The following GABRG3 variants were observed in gnomAD, a reference collection of about 807,000 sequenced individuals.
GABRG3 encodes the protein gamma-aminobutyric acid receptor subunit gamma-3.
A neutral mutation model predicts 48.8 loss-of-function variants in GABRG3; 25 were observed. The ratio of observed to expected loss-of-function variants is 0.51; its 90% CI spans 0.37 to 0.72. GABRG3 has a LOEUF of 0.72. Ranked by LOEUF, GABRG3 falls within the 30% of genes least tolerant of loss-of-function variation. The pLI, the probability that GABRG3 is intolerant of heterozygous loss-of-function variation, is 0.00. For synonymous variants in GABRG3, 227 were observed against 217.6 expected, an observed-to-expected ratio of 1.04 and a Z score of -0.38; for missense variants, 394 against 577.9, an observed-to-expected ratio of 0.68 and a Z score of 3.26.
At chr15:27,464,364 G>C (rs1889540007) in intron 5 of GABRG3, among the ~76,000 whole-genome samples, 1 of 152,114 alleles carries the variant, frequency 6.6e-6, no homozygotes, top group African/African-American at 2.4e-5. Context: ...TATACATTAT[G>C]TGGTTTACTT....
Position 27,540,801 on chromosome 15 carries a change from G to A in GABRG3, c.*7920G>A, listed in dbSNP as rs1566887933. The stretch of plus-strand genomic sequence containing the variant: ...CAGACCTATGTGTTGTTAGGAGCAA[G>A]AGGCCATCTTGTGTTTACATGCAGT... On this transcript the variant is annotated 3_prime_UTR_variant, in exon 10 of 10. Coordinates refer to ENST00000615808, the MANE Select transcript of GABRG3 (RefSeq NM_033223.5). 2 of 152,212 alleles carry A rather than the reference G, an allele frequency of 1.3e-5. No homozygotes were observed. Among genetic ancestry groups the A allele is most frequent in the Non-Finnish European group, 2.9e-5 (2 of 68,042 alleles). The allele number at this position is 152,212 out of a possible 1,614,324, so 9.4% of individuals were successfully genotyped here.
intron 5 of GABRG3, among the ~76,000 whole-genome samples, chr15:27,426,037 G>A (rs1888281348): frequency 6.6e-6 from 1 of 152,148 alleles, no homozygotes; most frequent in Non-Finnish European, 1.5e-5. Flanking sequence ...GTCTGAGTTT[G>A]CACCAATTTG....
At chr15:27,199,249 T>C (rs1426646583) in intron 3 of GABRG3, among the ~76,000 whole-genome samples, 2 of 152,234 alleles carry the variant, frequency 1.3e-5, no homozygotes, top group African/African-American at 4.8e-5. Context: ...ATAGCCATTA[T>C]ATGAGTCTGG....
chr15:27,127,008 A>C (rs944177717), intron 3 of GABRG3, among the ~76,000 whole-genome samples: 1 of 152,168 alleles, frequency 6.6e-6, no homozygotes, highest in Admixed American at 6.6e-5. Context: ...TAGATTTTTA[A>C]TAGTATACAT....
chr15:27,254,974 C>T (rs1890567282), intron 3 of GABRG3, among the ~76,000 whole-genome samples: 1 of 152,152 alleles, frequency 6.6e-6, no homozygotes, highest in Non-Finnish European at 1.5e-5. Context: ...ACAGCCGGCC[C>T]TGATACCCCC....
chr15:27,206,186 A>G (rs1888846263), intron 3 of GABRG3, among the ~76,000 whole-genome samples: 2 of 152,122 alleles, frequency 1.3e-5, no homozygotes, highest in Admixed American at 6.6e-5. Context: ...TGATGTGCAC[A>G]TTTAGCACTA....
intron 5 of GABRG3, among the ~76,000 whole-genome samples, chr15:27,456,858 G>A (rs115330532): frequency 0.015 from 2,220 of 152,266 alleles, 40 homozygotes; most frequent in South Asian, 0.086. Context: ...CCTCAGAGGG[G>A]TTGCCACCTG....
intron 2 of GABRG3, among the ~76,000 whole-genome samples, chr15:27,005,409 A>G (rs1341876280): frequency 6.6e-6 from 1 of 152,142 alleles, no homozygotes; most frequent in African/African-American, 2.4e-5. Flanking sequence ...CTTTGAGTGC[A>G]GCATTTCATT....
At chr15:27,418,179 A>G (rs545515269) in intron 5 of GABRG3, among the ~76,000 whole-genome samples, 3 of 152,336 alleles carry the variant, frequency 2.0e-5, no homozygotes, top group African/African-American at 4.8e-5. Flanking sequence ...ATGACCGGCC[A>G]GGGGACCCTG....
chr15:27,070,631 T>A (rs1271469964), intron 3 of GABRG3, among the ~76,000 whole-genome samples: 1 of 152,230 alleles, frequency 6.6e-6, no homozygotes, highest in South Asian at 2.1e-4. Context: ...TGATGAAATG[T>A]TAAGGTTTAT....
At chr15:26,983,226 A>ATCCCTT (rs1208731176) in intron 2 of GABRG3, among the ~76,000 whole-genome samples, 2 of 151,558 alleles carry the variant, frequency 1.3e-5, no homozygotes, top group Admixed American at 6.6e-5. Flanking sequence ...ATCAAGGTGC[A>ATCCCTT]GTGAACTTAT....
chr15:27,081,456 A>G (rs1208942260), intron 3 of GABRG3, among the ~76,000 whole-genome samples: 4 of 152,046 alleles, frequency 2.6e-5, no homozygotes, highest in Admixed American at 2.6e-4. Context: ...ATTATTGAAT[A>G]TTATTAAATA....
chr15:27,513,989 A>G (rs1161406475), intron 6 of GABRG3, among the ~76,000 whole-genome samples: 2 of 152,234 alleles, frequency 1.3e-5, no homozygotes. Context: ...CATGATGACA[A>G]AAACTTTTTC....
At chr15:27,532,509 A>G in intron 9 of GABRG3, 91 bp from the exon 10 acceptor site, 1 of 1,231,910 alleles carries the variant, frequency 8.1e-7, no homozygotes, top group East Asian at 2.5e-5. Flanking sequence ...TCTATAGGAG[A>G]CAGATGTAAT....
chr15:26,988,931 C>A (rs1211710741), intron 2 of GABRG3, among the ~76,000 whole-genome samples: 1 of 151,858 alleles, frequency 6.6e-6, no homozygotes, highest in Non-Finnish European at 1.5e-5. Context: ...ATTCATATAC[C>A]ATAAAATTCA....
At position 27,199,350 on chromosome 15, in the gene GABRG3, A is replaced by C. The variant is rs549860656; in HGVS notation, c.271-127459A>C. On this transcript the variant is annotated intron_variant, in intron 3 of 9. Transcript: ENST00000615808. ...CAGAATATTTCTCAATGCTAGGATT[A>C]ACTTGATTCCCGTTTGATGGAGTAT... Among the ~76,000 whole-genome samples, 113 of 152,296 alleles carry C rather than the reference A, an allele frequency of 7.4e-4. No homozygotes were observed. In the South Asian group the frequency reaches 9.3e-3, roughly 13 times the overall value.
chr15:27,410,795 C>T (rs1206443444), intron 5 of GABRG3, among the ~76,000 whole-genome samples: 1 of 151,624 alleles, frequency 6.6e-6, no homozygotes, highest in Non-Finnish European at 1.5e-5. Context: ...TCCTTTAGCA[C>T]TTTGTTGAGC....
At chr15:27,520,771 A>G (rs75547161) in intron 7 of GABRG3, among the ~76,000 whole-genome samples, 3,142 of 150,706 alleles carry the variant, frequency 0.021, 72 homozygotes, top group East Asian at 0.1. Flanking sequence ...GTAATATATA[A>G]GACTGAATAT....
At chr15:27,304,698 T>C (rs906348213) in intron 3 of GABRG3, among the ~76,000 whole-genome samples, 2 of 152,026 alleles carry the variant, frequency 1.3e-5, no homozygotes, top group Admixed American at 6.6e-5. Flanking sequence ...AGTGATTACA[T>C]TGGGCCCACC....
Sources: gnomAD v4.1 joint callset for allele counts (sites outside exome capture counted in the v4.1 genomes callset) on GRCh38, gnomAD v4.1.1 for gene constraint, MANE v1.5 for transcripts, NCBI Gene and HGNC (gene_info 2026-07-23, HGNC 2026-07-21) for gene names.